MAGI2: variants seen among roughly 807,000 people sequenced by gnomAD.
The protein encoded by MAGI2 is membrane-associated guanylate kinase, WW and PDZ domain-containing protein 2.
MAGI2 carries 35 observed loss-of-function variants against 133.3 expected under a neutral mutation model. The ratio of observed to expected loss-of-function variants is 0.26; its 90% CI spans 0.20 to 0.35. The LOEUF is 0.35. Ranked by LOEUF, MAGI2 falls within the 10% of genes least tolerant of loss-of-function variation. The pLI, the probability that MAGI2 is intolerant of heterozygous loss-of-function variation, is 1.00. For missense variants in MAGI2, 1,636 were observed against 1,863.4 expected (o/e 0.88, Z 2.25); for synonymous variants, 729 against 710.6 (o/e 1.03, Z -0.41).
intron 10 of MAGI2, among the ~76,000 whole-genome samples, chr7:78,227,355 T>G (rs1789493233): frequency 6.6e-6 from 1 of 152,180 alleles, no homozygotes; most frequent in Admixed American, 6.5e-5. Flanking sequence ...TGTCCCTATT[T>G]CAATTACCCA....
At chr7:79,452,126 A>T (rs1001417302) in intron 1 of MAGI2, among the ~76,000 whole-genome samples, 1 of 151,730 alleles carries the variant, frequency 6.6e-6, no homozygotes, top group Non-Finnish European at 1.5e-5. Context: ...CCCCCAAAAC[A>T]CGCCCCCCAA....
chr7:78,281,468 T>C (rs1198750423), intron 9 of MAGI2, among the ~76,000 whole-genome samples: 1 of 152,156 alleles, frequency 6.6e-6, no homozygotes, highest in African/African-American at 2.4e-5. Flanking sequence ...TGCCACTTTG[T>C]GAAGTAAGTA....
chr7:78,229,795 C>CATAAG (rs774124168), intron 10 of MAGI2, among the ~76,000 whole-genome samples: 1 of 152,154 alleles, frequency 6.6e-6, no homozygotes, highest in Non-Finnish European at 1.5e-5. Flanking sequence ...GAAGTCACTG[C>CATAAG]AGGTGTCATA....
At chr7:78,604,364 G>A (rs890005055) in intron 3 of MAGI2, among the ~76,000 whole-genome samples, 8 of 152,192 alleles carry the variant, frequency 5.3e-5, no homozygotes, top group Non-Finnish European at 1.2e-4. Context: ...GATAAAACTA[G>A]AATAGAACTG....
At chr7:78,192,807 T>C (rs779221639) in intron 12 of MAGI2, among the ~76,000 whole-genome samples, 5 of 152,054 alleles carry the variant, frequency 3.3e-5, no homozygotes, top group Non-Finnish European at 7.4e-5. Flanking sequence ...TTAGAAACAT[T>C]AGAGAGAGCT....
In MAGI2 at chr7:78,019,562, C is replaced by CCCG. The variant is rs1388213722; in HGVS notation, c.4118_4120dup (p.Ala1373dup). ...GCCTTCGCGCCGGCAGAGCTCGGAG[C>CCCG]CCGCCGCCGCACGGGGCGCCTCCTT... On this transcript the variant is annotated inframe_insertion, in exon 22 of 22. Coordinates refer to ENST00000354212, the MANE Select transcript of MAGI2 (RefSeq NM_012301.4). The CCCG allele has an allele frequency of 1.0e-6, 1 of 980,302 alleles. No homozygotes were observed. The highest frequency in any genetic ancestry group is 1.2e-6 in the Non-Finnish European group (1 of 828,110). 60.7% of individuals were successfully genotyped at this position (980,302 alleles called of 1,614,324 possible).
intron 4 of MAGI2, among the ~76,000 whole-genome samples, chr7:78,506,196 TA>T (rs370291231): frequency 3.9e-5 from 6 of 152,174 alleles, no homozygotes; most frequent in African/African-American, 1.2e-4. Flanking sequence ...AGAAGCAGAT[TA>T]AAAAAATATT....
chr7:78,978,760 G>A (rs939244270), intron 2 of MAGI2, among the ~76,000 whole-genome samples: 34 of 151,918 alleles, frequency 2.2e-4, no homozygotes, highest in African/African-American at 6.0e-4. Context: ...GCGTGGGGTC[G>A]GGGAGCAATG....
intron 9 of MAGI2, among the ~76,000 whole-genome samples, chr7:78,291,887 T>C (rs1001649095): frequency 1.3e-5 from 2 of 152,086 alleles, no homozygotes; most frequent in African/African-American, 4.8e-5. Context: ...CAACAGCTGT[T>C]CATGCTAAAA....
In MAGI2 at chr7:78,168,040, C is replaced by T. The variant is rs763095272; in HGVS notation, c.2472G>A (p.Glu824=). 2 of 1,614,058 alleles carry T rather than the reference C, an allele frequency of 1.2e-6. No individual in the cohort carries two copies. The highest frequency in any genetic ancestry group is 8.5e-7 in the Non-Finnish European group (1 of 1,180,028). Residue 824 remains glutamate, a synonymous_variant, in exon 15 of 22, where the codon GAG becomes GAA. Transcript: ENST00000354212. The part of the protein sequence containing the change: ...DRDGRLHPGD[E]LVYVDGIPVA... ...CTGGAATCCCATCAACATACACAAG[C>T]TCATCTCCTGGGTGAAGGCGGCCAT...
At chr7:79,330,162 G>A (rs955450220) in intron 1 of MAGI2, among the ~76,000 whole-genome samples, 1 of 129,480 alleles carries the variant, frequency 7.7e-6, no homozygotes, top group Non-Finnish European at 1.6e-5. Context: ...TAGCACATCA[G>A]TAACAAACAA....
Position 79,410,308 on chromosome 7 carries a change from T to C in MAGI2, c.301+42712A>G, listed in dbSNP as rs1388966682. The C allele has an allele frequency of 7.9e-5, 12 of 152,118 alleles. No individual in the cohort carries two copies. The East Asian group carries it at 1.9e-3, about 24-fold the overall frequency. The allele number at this position is 152,118 out of a possible 1,614,324, so 9.4% of individuals were successfully genotyped here. ...AATCTGAATCCTAATTATTTTTGAA[T>C]CCGGGGCTATGTTTGGCAGGTGAGG... On this transcript the variant is annotated intron_variant, in intron 1 of 21. Coordinates refer to ENST00000354212, the MANE Select transcript of MAGI2 (RefSeq NM_012301.4).
intron 2 of MAGI2, among the ~76,000 whole-genome samples, chr7:78,874,520 G>C (rs1795267913): frequency 6.6e-6 from 1 of 152,114 alleles, no homozygotes; most frequent in South Asian, 2.1e-4. Flanking sequence ...TGTATGTTAA[G>C]TGAAAGCCAG....
At chr7:79,136,068 GGAAA>G (rs368094018) in intron 1 of MAGI2, among the ~76,000 whole-genome samples, 25,398 of 94,398 alleles carry the variant, frequency 0.27, 3,225 homozygotes, top group Non-Finnish European at 0.3. Context: ...AAAGAAAGAA[GGAAA>G]GAAAGAAAGA....
chr7:78,807,722 A>C (rs900898778), intron 2 of MAGI2, among the ~76,000 whole-genome samples: 2 of 152,168 alleles, frequency 1.3e-5, no homozygotes, highest in African/African-American at 4.8e-5. Context: ...ATATGCTTCT[A>C]TAGAAAATAA....
chr7:78,394,904 A>C (rs1417949205), intron 6 of MAGI2, among the ~76,000 whole-genome samples: 1 of 152,232 alleles, frequency 6.6e-6, no homozygotes, highest in Non-Finnish European at 1.5e-5. Context: ...GCCGCACTTT[A>C]GCTAATTTTA....
At chr7:78,706,385 C>G (rs1818651691) in intron 2 of MAGI2, among the ~76,000 whole-genome samples, 1 of 152,036 alleles carries the variant, frequency 6.6e-6, no homozygotes, top group South Asian at 2.1e-4. Flanking sequence ...GATTCCGAGA[C>G]CTTCCCAGCT....
intron 2 of MAGI2, among the ~76,000 whole-genome samples, chr7:78,686,248 G>A (rs1476865900): frequency 6.6e-6 from 1 of 151,562 alleles, no homozygotes; most frequent in Non-Finnish European, 1.5e-5. Context: ...GCACCTTTGC[G>A]AGCCATTCTC....
chr7:78,906,399 G>A (rs1302562480), intron 2 of MAGI2, among the ~76,000 whole-genome samples: 2 of 152,172 alleles, frequency 1.3e-5, no homozygotes. Flanking sequence ...TTTGCAATAG[G>A]TAGTTGAGGT....
Sources: allele counts gnomAD v4.1 joint callset (sites outside exome capture counted in the v4.1 genomes callset), GRCh38; gene constraint gnomAD v4.1.1; transcripts MANE v1.5; gene names NCBI Gene and HGNC (gene_info 2026-07-23, HGNC 2026-07-21).